The following NFILZ variants were observed in gnomAD, a reference collection of about 807,000 sequenced individuals.
The protein encoded by NFILZ is NFIL3 like protein.
chr19:8,651,183 A>G (rs1555747682), intron 3 of NFILZ, among the ~76,000 whole-genome samples: 1 of 151,832 alleles, frequency 6.6e-6, no homozygotes, highest in African/African-American at 2.4e-5. Flanking sequence ...TTTTTCTTAG[A>G]TGGAATCTTG....
intron 3 of NFILZ, among the ~76,000 whole-genome samples, chr19:8,661,921 C>T (rs1430508162): frequency 1.3e-5 from 2 of 151,962 alleles, no homozygotes; most frequent in African/African-American, 4.8e-5. Context: ...TAAAATAGGC[C>T]AGGCGAGGTG....
chr19:8,661,257 G>A (rs541644932), intron 3 of NFILZ, among the ~76,000 whole-genome samples: 2 of 150,582 alleles, frequency 1.3e-5, no homozygotes, highest in Admixed American at 1.3e-4. Context: ...CGACCTCCTG[G>A]GTTCAAGCAA....
chr19:8,640,550 C>T (rs1031614878), intron 3 of NFILZ, among the ~76,000 whole-genome samples: 6 of 152,008 alleles, frequency 3.9e-5, no homozygotes, highest in Admixed American at 2.0e-4. Flanking sequence ...CTGTCTTGAA[C>T]GCTGCTGCTC....
At chr19:8,643,173 C>T (rs782474402) in intron 3 of NFILZ, among the ~76,000 whole-genome samples, 2 of 152,148 alleles carry the variant, frequency 1.3e-5, no homozygotes, top group Non-Finnish European at 2.9e-5. Context: ...TGGTCTCAAA[C>T]TCCTGGGCTC....
intron 3 of NFILZ, among the ~76,000 whole-genome samples, chr19:8,665,231 C>G (rs1297200993): frequency 6.6e-6 from 1 of 152,082 alleles, no homozygotes; most frequent in Non-Finnish European, 1.5e-5. Context: ...GAGGTAGCAT[C>G]TAAGCTGTGT....
At chr19:8,635,253 T>G (rs1555745983) in intron 2 of NFILZ, among the ~76,000 whole-genome samples, 1 of 145,096 alleles carries the variant, frequency 6.9e-6, no homozygotes, top group East Asian at 2.0e-4. Context: ...GAGGTTGCAG[T>G]GAGCCGAGAT....
At chr19:8,657,783 G>A (rs886687653) in intron 3 of NFILZ, among the ~76,000 whole-genome samples, 7 of 152,154 alleles carry the variant, frequency 4.6e-5, no homozygotes, top group African/African-American at 1.4e-4. Flanking sequence ...CTGCTCAGAC[G>A]GGGAGAGGAG....
intron 2 of NFILZ, among the ~76,000 whole-genome samples, chr19:8,633,332 C>T (rs2042879231): frequency 6.6e-6 from 1 of 152,100 alleles, no homozygotes; most frequent in Non-Finnish European, 1.5e-5. Flanking sequence ...TCCTTTACTT[C>T]CTTAATAAGC....
chr19:8,643,185 A>G (rs1244980119), intron 3 of NFILZ, among the ~76,000 whole-genome samples: 1 of 152,136 alleles, frequency 6.6e-6, no homozygotes, highest in Non-Finnish European at 1.5e-5. Flanking sequence ...CCTGGGCTCA[A>G]GTGAAGTTCC....
chr19:8,669,132 A>G (rs1253851616), intron 3 of NFILZ, among the ~76,000 whole-genome samples: 1 of 152,094 alleles, frequency 6.6e-6, no homozygotes, highest in African/African-American at 2.4e-5. Flanking sequence ...TTTAGTAGAG[A>G]CAGGGTTTCG....
intron 3 of NFILZ, among the ~76,000 whole-genome samples, chr19:8,672,280 AT>A (rs1372471861): frequency 6.6e-6 from 1 of 152,160 alleles, no homozygotes; most frequent in African/African-American, 2.4e-5. Flanking sequence ...TTCAAAAAAA[AT>A]CCATGCACTT....
intron 3 of NFILZ, among the ~76,000 whole-genome samples, chr19:8,639,701 C>G (rs2042910648): frequency 6.6e-6 from 1 of 151,700 alleles, no homozygotes; most frequent in Non-Finnish European, 1.5e-5. Flanking sequence ...ATAGCACCTA[C>G]CTGAAGGAGT....
At chr19:8,656,377 AAGCCCACCTTCTCCCGC>A (rs1367303383) in intron 3 of NFILZ, among the ~76,000 whole-genome samples, 30 of 87,088 alleles carry the variant, frequency 3.4e-4, no homozygotes, top group African/African-American at 1.0e-3. Flanking sequence ...CTTCTCCCTG[AAGCCCACCTTCTCCCGC>A]AGCCCACCTT....
chr19:8,644,111 G>A (rs985170102), intron 3 of NFILZ, among the ~76,000 whole-genome samples: 12 of 152,156 alleles, frequency 7.9e-5, no homozygotes, highest in Non-Finnish European at 1.0e-4. Flanking sequence ...TTGATTGATT[G>A]ATTAATTGAG....
At chr19:8,657,263 C>T (rs1211192270) in intron 3 of NFILZ, among the ~76,000 whole-genome samples, 2 of 151,778 alleles carry the variant, frequency 1.3e-5, no homozygotes, top group African/African-American at 2.4e-5. Flanking sequence ...CGCGCCACCA[C>T]ACCCAGCTAA....
In NFILZ at chr19:8,678,937, A is replaced by G. The variant is rs1219387769; in HGVS notation, c.*1302A>G. ...GGAATGGGTGTTTGGGAAGAAACAT[A>G]CTGAAGACCAGACTGAAGGAGGAGG... On this transcript the variant is annotated 3_prime_UTR_variant, in exon 6 of 6. Transcript: ENST00000691075. 3.9e-5 allele frequency among the ~76,000 whole-genome samples: 6 copies of G among 152,046 alleles called. No homozygotes were observed. Among genetic ancestry groups the G allele is most frequent in the African/African-American group, 1.4e-4 (6 of 41,404 alleles).
intron 3 of NFILZ, among the ~76,000 whole-genome samples, chr19:8,639,005 G>A (rs1392806435): frequency 6.6e-6 from 1 of 151,964 alleles, no homozygotes; most frequent in Non-Finnish European, 1.5e-5. Flanking sequence ...ACCATGCCCA[G>A]CTAATTTTTT....
In NFILZ at chr19:8,678,500, C is replaced by T. The variant is rs144140374; in HGVS notation, c.*865C>T. Among the ~76,000 whole-genome samples the T allele has an allele frequency of 8.6e-5, 13 of 150,858 alleles. No individual in the cohort carries two copies. The East Asian group carries it at 2.6e-3, about 30-fold the overall frequency. On this transcript the variant is annotated 3_prime_UTR_variant, in exon 6 of 6. Transcript: ENST00000691075. ...TTCTTTCTTGCTTCTATCCATTTTC[C>T]CATCCACACACCTATCCATTCATCC...
chr19:8,633,881 T>TCCTC (rs2042881665), intron 2 of NFILZ, among the ~76,000 whole-genome samples: 1 of 28,358 alleles, frequency 3.5e-5, no homozygotes, highest in Non-Finnish European at 7.3e-5. Context: ...TTTTCTCCCT[T>TCCTC]CCTTCCTTCC....
Sources: allele counts gnomAD v4.1 joint callset (sites outside exome capture counted in the v4.1 genomes callset), GRCh38; gene constraint gnomAD v4.1.1; transcripts MANE v1.5; gene names NCBI Gene and HGNC (gene_info 2026-07-23, HGNC 2026-07-21).